ANKEF1: variants seen among roughly 807,000 people sequenced by gnomAD.
ANKEF1 encodes the protein ankyrin repeat and EF-hand domain containing 1, also known as ankyrin repeat and EF-hand domain-containing protein 1.
ANKEF1 carries 43 observed loss-of-function variants against 65.1 expected under a neutral mutation model. The observed-to-expected ratio is 0.66, with a 90% CI of 0.52 to 0.85. The LOEUF (loss-of-function observed/expected upper bound fraction) is 0.85. Among genes scored for constraint, ANKEF1 ranks in the 40% least tolerant of loss-of-function variants. The probability of loss-of-function intolerance (pLI) is 0.00; values close to 1 mark genes in which losing one functional copy is unlikely to be tolerated. For synonymous variants in ANKEF1, 316 were observed against 341.5 expected (o/e 0.93, Z 0.82); for missense variants, 934 against 952.9 (o/e 0.98, Z 0.26).
intron 2 of ANKEF1, among the ~76,000 whole-genome samples, chr20:10,036,424 A>G (rs1462484212): frequency 6.6e-6 from 1 of 152,040 alleles, no homozygotes; most frequent in East Asian, 1.9e-4. Flanking sequence ...GGCCGATAAT[A>G]ATAAAACAAG....
rs1419143388 is a variant in ANKEF1, at chr20:10,049,708, A to G, written c.1139A>G (p.His380Arg). 2 of 1,614,028 alleles carry G rather than the reference A, an allele frequency of 1.2e-6. No homozygotes were observed. Among genetic ancestry groups the G allele is most frequent in the Non-Finnish European group, 1.7e-6 (2 of 1,180,020 alleles). Residue 380 changes from histidine to arginine, a missense_variant, in exon 7 of 11, where the codon CAC becomes CGC. Transcript: ENST00000378392. ...ASSEQLAAIA[H>R]LHEKTRGGGV... is the part of the protein sequence containing the mutation. ...TCAGAACAGCTGGCTGCCATCGCTC[A>G]CCTTCATGAGAAAACCCGGGGAGGA...
Position 10,049,349 on chromosome 20 carries a change from G to A in ANKEF1, c.821-41G>A, listed in dbSNP as rs1000634569. On this transcript the variant is annotated intron_variant, in intron 6 of 10. Transcript: ENST00000378392. ...GAGTGTCACTTATAGCCATGCAAATGCCTTGGCACCATTCATAATTAATGA... is the reference window on the plus strand; with the variant it reads ...GAGTGTCACTTATAGCCATGCAAATACCTTGGCACCATTCATAATTAATGA... 7 of 1,534,460 alleles carry A rather than the reference G, an allele frequency of 4.6e-6. No individual in the cohort carries two copies. In the African/African-American group the frequency reaches 9.7e-5, roughly 21 times the overall value.
In ANKEF1 at chr20:10,056,798, C is replaced by G. The variant is rs1015365538; in HGVS notation, c.*1138C>G. 6.6e-6 allele frequency: 1 copy of G among 152,080 alleles called. No individual in the cohort carries two copies. Among genetic ancestry groups the G allele is most frequent in the Non-Finnish European group, 1.5e-5 (1 of 68,018 alleles). 9.4% of individuals were successfully genotyped at this position (152,080 alleles called of 1,614,324 possible). On this transcript the variant is annotated 3_prime_UTR_variant, in exon 11 of 11. Transcript: ENST00000378392. ...GTGAAAATTTCAACTGTTGTTAAAGCGACTGATGGGATCAGTTTCACCTAG... is the reference window on the plus strand; with the variant it reads ...GTGAAAATTTCAACTGTTGTTAAAGGGACTGATGGGATCAGTTTCACCTAG...
In ANKEF1 at chr20:10,049,721, A is replaced by T; in HGVS notation, c.1152A>T (p.Lys384Asn). 2 of 1,614,136 alleles carry T rather than the reference A, an allele frequency of 1.2e-6. No homozygotes were observed. The highest frequency in any genetic ancestry group is 1.7e-6 in the Non-Finnish European group (2 of 1,180,004). ...QLAAIAHLHEKTRGGGVNINE... is the reference protein window; with the variant it reads ...QLAAIAHLHENTRGGGVNINE... The stretch of plus-strand genomic sequence containing the variant: ...CTGCCATCGCTCACCTTCATGAGAA[A>T]ACCCGGGGAGGAGGGGTCAATATTA... Residue 384 changes from lysine (K) to asparagine (N), a missense_variant, in exon 7 of 11, where the codon AAA (lysine) becomes AAT (asparagine). Coordinates refer to ENST00000378392, the MANE Select transcript of ANKEF1 (RefSeq NM_022096.6).
In ANKEF1 at chr20:10,038,563, G is replaced by A. The variant is rs1568509240; in HGVS notation, c.262G>A (p.Ala88Thr). ...DRMGCTPTMR[A>T]AELGHELSME... Reference sequence around the variant, plus strand: ...AATGGGCTGTACTCCCACAATGAGGGCTGCAGAACTGGGCCATGAATTGTC... The same window carrying A: ...AATGGGCTGTACTCCCACAATGAGGACTGCAGAACTGGGCCATGAATTGTC... Residue 88 changes from alanine to threonine, a missense_variant, in exon 3 of 11, where the codon GCT (alanine) becomes ACT (threonine). Physicochemically the swap from Ala to Thr is moderately conservative, Grantham distance 58. Transcript: ENST00000378392. 2 of 1,614,238 alleles carry A rather than the reference G, an allele frequency of 1.2e-6. No individual in the cohort carries two copies. Among genetic ancestry groups the A allele is most frequent in the South Asian group, 1.1e-5 (1 of 91,074 alleles).
At chr20:10,052,339 G>GTTAT (rs950847955) in intron 8 of ANKEF1, among the ~76,000 whole-genome samples, 2 of 152,014 alleles carry the variant, frequency 1.3e-5, no homozygotes, top group African/African-American at 4.8e-5. Context: ...TTATTACACT[G>GTTAT]TTATGACTGT....
chr20:10,035,904 C>T (rs1347841908), intron 2 of ANKEF1, among the ~76,000 whole-genome samples: 1 of 152,204 alleles, frequency 6.6e-6, no homozygotes, highest in Non-Finnish European at 1.5e-5. Context: ...CAAGTCAAGA[C>T]ATTCTGCTCT....
At chr20:10,046,758 C>A (rs1053035027) in intron 6 of ANKEF1, among the ~76,000 whole-genome samples, 1 of 152,032 alleles carries the variant, frequency 6.6e-6, no homozygotes, top group Admixed American at 6.5e-5. Flanking sequence ...TATAATAGAG[C>A]AAAGAAAGTG....
chr20:10,044,853 TA>T (rs1338550480), intron 5 of ANKEF1, among the ~76,000 whole-genome samples: 2 of 152,174 alleles, frequency 1.3e-5, no homozygotes, highest in African/African-American at 4.8e-5. Flanking sequence ...CATTACATAC[TA>T]GAGTCTTCAA....
intron 3 of ANKEF1, among the ~76,000 whole-genome samples, chr20:10,042,692 GGTCAGTCTACACATTTCATCACCCA>G (rs901202118): frequency 2.6e-5 from 4 of 152,160 alleles, no homozygotes; most frequent in Admixed American, 2.6e-4. Context: ...TTACAAACAT[GGTCAGTCTACACATTTCATCACCCA>G]GTACCATCTC....
At chr20:10,055,202 T>TA (rs1170016015) in intron 10 of ANKEF1, among the ~76,000 whole-genome samples, 1 of 152,168 alleles carries the variant, frequency 6.6e-6, no homozygotes, top group Non-Finnish European at 1.5e-5. Flanking sequence ...TTTGGCATCC[T>TA]AAAAAACGCA....
At position 10,049,687 on chromosome 20, in the gene ANKEF1, A is replaced by T. The variant is rs756626902; in HGVS notation, c.1118A>T (p.Glu373Val). The stretch of plus-strand genomic sequence containing the variant: ...GAAAGGCAGGATTATGCAAGCTCAG[A>T]ACAGCTGGCTGCCATCGCTCACCTT... ...LEERQDYASS[E>V]QLAAIAHLHE... The change falls in exon 7 of 11, where the codon GAA (glutamate) becomes GTA (valine). Residue 373 changes from glutamate (E) to valine (V), a missense_variant. Glu to Val is a moderately radical substitution (Grantham distance 121). Coordinates refer to ENST00000378392, the MANE Select transcript of ANKEF1 (RefSeq NM_022096.6). The T allele has an allele frequency of 6.2e-7, 1 of 1,614,032 alleles. No homozygotes were observed. Among genetic ancestry groups the T allele is most frequent in the South Asian group, 1.1e-5 (1 of 91,082 alleles).
intron 6 of ANKEF1, 97 bp downstream of exon 6, chr20:10,045,794 T>C (rs1984488445): frequency 1.6e-6 from 2 of 1,259,544 alleles, no homozygotes; most frequent in African/African-American, 3.0e-5. Flanking sequence ...CAGTGGCTTA[T>C]TTTTTTCTAT....
Position 10,056,496 on chromosome 20 carries a change from T to TAGATA in ANKEF1, c.*836_*837insAGATA, listed in dbSNP as rs1555773774. ...GATAGATGATAGATAGATAGATAGA[T>TAGATA]GATAGATAGATAGATAGATAGATAG... On this transcript the variant is annotated 3_prime_UTR_variant, in exon 11 of 11. Coordinates refer to ENST00000378392, the MANE Select transcript of ANKEF1 (RefSeq NM_022096.6). The TAGATA allele has an allele frequency of 1.1e-3, 155 of 143,824 alleles. No individual in the cohort carries two copies. Among genetic ancestry groups the TAGATA allele is most frequent in the African/African-American group, 9.7e-4 (37 of 38,142 alleles). The allele number at this position is 143,824 out of a possible 1,614,324, so 8.9% of individuals were successfully genotyped here. A position where few individuals can be genotyped will look rare whatever the true frequency, so the allele number is the denominator to read the frequency against.
chr20:10,050,304 A>G (rs1984779854), intron 7 of ANKEF1, 92 bp downstream of exon 7: 1 of 1,006,816 alleles, frequency 9.9e-7, no homozygotes. Flanking sequence ...AATATAGAAA[A>G]GTGCTACTTT....
chr20:10,055,596 T>C lies in ANKEF1; in HGVS notation c.2267T>C (p.Met756Thr), dbSNP rs1357281118. 2 of 1,613,740 alleles carry C rather than the reference T, an allele frequency of 1.2e-6. No individual in the cohort carries two copies. The highest frequency in any genetic ancestry group is 1.3e-5 in the African/African-American group (1 of 74,916). The change falls in exon 11 of 11, where the codon ATG (methionine) becomes ACG (threonine). Residue 756 changes from methionine (M) to threonine (T), a missense_variant. Physicochemically the swap from Met to Thr is moderately conservative, Grantham distance 81. Transcript: ENST00000378392. ...FTHEVDFDDF[M>T]MPFQKNITEK... ...CATGAGGTGGACTTCGACGATTTTATGATGCCTTTTCAGAAGAACATCACA... is the reference window on the plus strand; with the variant it reads ...CATGAGGTGGACTTCGACGATTTTACGATGCCTTTTCAGAAGAACATCACA...
rs80291549 is a variant in ANKEF1, at chr20:10,042,583, G to A, written c.347-539G>A. On this transcript the variant is annotated intron_variant, in intron 3 of 10. Coordinates refer to ENST00000378392, the MANE Select transcript of ANKEF1 (RefSeq NM_022096.6). ...GATTTAGCATGTTCCTTTCTCCAAC[G>A]GAACAAAATGATTTGCTAAAATGGC... is the stretch of plus-strand genomic sequence containing the variant. Among the ~76,000 whole-genome samples, 805 of 152,164 alleles carry A rather than the reference G, an allele frequency of 5.3e-3. 4 individuals are homozygous for A. The highest frequency in any genetic ancestry group is 0.019 in the African/African-American group (775 of 41,508).
intron 8 of ANKEF1, among the ~76,000 whole-genome samples, chr20:10,052,346 CTG>C (rs1357927579): frequency 6.6e-6 from 1 of 152,084 alleles, no homozygotes; most frequent in Non-Finnish European, 1.5e-5. Flanking sequence ...ACTGTTATGA[CTG>C]TTAATTACTA....
At chr20:10,048,034 G>A (rs1347541928) in intron 6 of ANKEF1, among the ~76,000 whole-genome samples, 1 of 152,068 alleles carries the variant, frequency 6.6e-6, no homozygotes, top group African/African-American at 2.4e-5. Context: ...AAAATAAATA[G>A]CTAAGTAAAA....
Sources: allele counts gnomAD v4.1 joint callset (sites outside exome capture counted in the v4.1 genomes callset), GRCh38; gene constraint gnomAD v4.1.1; transcripts MANE v1.5; gene names NCBI Gene and HGNC (gene_info 2026-07-23, HGNC 2026-07-21).